WSCD2: variants seen among roughly 807,000 people sequenced by gnomAD.
WSCD2 encodes WSC domain sialate O sulfotransferase 2.
WSCD2 carries 28 observed loss-of-function variants against 55.7 expected under a neutral mutation model. The ratio of observed to expected loss-of-function variants is 0.50; its 90% CI spans 0.37 to 0.69. The LOEUF (loss-of-function observed/expected upper bound fraction) is 0.69. WSCD2 is among the 30% of genes least tolerant of loss of function. The pLI, the probability that WSCD2 is intolerant of heterozygous loss-of-function variation, is 0.00. For synonymous variants in WSCD2, 301 were observed against 301.9 expected (o/e 1.00, Z 0.03); for missense variants, 616 against 762.1 (o/e 0.81, Z 2.26).
At chr12:108,214,473 T>G (rs1886601405) in intron 4 of WSCD2, among the ~76,000 whole-genome samples, 1 of 152,236 alleles carries the variant, frequency 6.6e-6, no homozygotes, top group South Asian at 2.1e-4. Flanking sequence ...AGAAATGGAC[T>G]TCTTTCTTGG....
chr12:108,191,219 G>C (rs989977077), intron 1 of WSCD2, among the ~76,000 whole-genome samples: 1 of 152,232 alleles, frequency 6.6e-6, no homozygotes, highest in Non-Finnish European at 1.5e-5. Flanking sequence ...ATGGGAGAAC[G>C]TATTTGTAAA....
intron 1 of WSCD2, among the ~76,000 whole-genome samples, chr12:108,158,768 T>A (rs1878775692): frequency 6.6e-6 from 1 of 152,028 alleles, no homozygotes; most frequent in African/African-American, 2.4e-5. Context: ...ACTCAAGTCC[T>A]CCCTCTCCCT....
intron 1 of WSCD2, chr12:108,171,818 C>T (rs1238621876): frequency 6.6e-6 from 1 of 152,126 alleles, no homozygotes; most frequent in African/African-American, 2.4e-5. Flanking sequence ...TTCAGTGTAC[C>T]TGCTTGTAAA....
chr12:108,243,331 G>C (rs190619249), intron 8 of WSCD2, among the ~76,000 whole-genome samples: 3 of 151,670 alleles, frequency 2.0e-5, no homozygotes, highest in African/African-American at 7.3e-5. Flanking sequence ...TCTGCTTCCC[G>C]GGTTCACGCT....
At chr12:108,146,709 G>A (rs532075172) in intron 1 of WSCD2, among the ~76,000 whole-genome samples, 1 of 152,302 alleles carries the variant, frequency 6.6e-6, no homozygotes, top group South Asian at 2.1e-4. Context: ...AGGAGAACTA[G>A]GTCTTTGGAC....
At chr12:108,169,715 G>A (rs917988637) in intron 1 of WSCD2, among the ~76,000 whole-genome samples, 1 of 152,132 alleles carries the variant, frequency 6.6e-6, no homozygotes, top group Non-Finnish European at 1.5e-5. Context: ...AGCATGTAGG[G>A]GAACAGGGCA....
At chr12:108,224,591 A>C (rs1887877458) in intron 4 of WSCD2, 148 bp from the exon 5 acceptor site, 1 of 1,007,652 alleles carries the variant, frequency 9.9e-7, no homozygotes, top group Non-Finnish European at 1.4e-6. Flanking sequence ...AACAGAAAAC[A>C]TGGCCACTCT....
At chr12:108,240,254 AG>A in intron 7 of WSCD2, 89 bp from the exon 8 acceptor site, 1 of 1,502,872 alleles carries the variant, frequency 6.7e-7, no homozygotes, top group Non-Finnish European at 9.1e-7. Flanking sequence ...CAAATGCATG[AG>A]GATTCCCGAG....
At chr12:108,194,857 A>G (rs1449329718) in intron 1 of WSCD2, among the ~76,000 whole-genome samples, 1 of 152,196 alleles carries the variant, frequency 6.6e-6, no homozygotes, top group Non-Finnish European at 1.5e-5. Flanking sequence ...AAAAAAATGA[A>G]TGAATCTGGT....
At position 108,219,139 on chromosome 12, in the gene WSCD2, A is replaced by G. The variant is rs138102374; in HGVS notation, c.683-5600A>G. ...CAGCTGGTTGCCAGGCAACCCAGAG[A>G]GAGCCCGTGGGATTATTGTCTCCAC... On this transcript the variant is annotated intron_variant, in intron 4 of 8. Coordinates refer to ENST00000547525, the MANE Select transcript of WSCD2 (RefSeq NM_014653.4). 3.3e-5 allele frequency among the ~76,000 whole-genome samples: 5 copies of G among 152,314 alleles called. No individual in the cohort carries two copies. The East Asian group carries it at 9.6e-4, about 29-fold the overall frequency.
At chr12:108,187,008 A>G (rs1882587060) in intron 1 of WSCD2, among the ~76,000 whole-genome samples, 1 of 152,086 alleles carries the variant, frequency 6.6e-6, no homozygotes, top group Non-Finnish European at 1.5e-5. Flanking sequence ...TGCAGACTTA[A>G]CTTTTGCTCT....
At chr12:108,168,383 A>T (rs1879885355) in intron 1 of WSCD2, among the ~76,000 whole-genome samples, 1 of 151,916 alleles carries the variant, frequency 6.6e-6, no homozygotes, top group Non-Finnish European at 1.5e-5. Flanking sequence ...GTCTCCCTTA[A>T]ATGTCCCTTT....
At chr12:108,175,356 T>C (rs531493005) in intron 1 of WSCD2, among the ~76,000 whole-genome samples, 1 of 152,142 alleles carries the variant, frequency 6.6e-6, no homozygotes, top group African/African-American at 2.4e-5. Context: ...GACCCCAGGG[T>C]TCCACAGACT....
At chr12:108,166,686 A>G (rs1879626904) in intron 1 of WSCD2, among the ~76,000 whole-genome samples, 2 of 150,128 alleles carry the variant, frequency 1.3e-5, no homozygotes, top group East Asian at 2.0e-4. Flanking sequence ...CAGTTTCACT[A>G]TTTGCTGCAT....
At chr12:108,192,466 A>G (rs914224644) in intron 1 of WSCD2, among the ~76,000 whole-genome samples, 14 of 152,102 alleles carry the variant, frequency 9.2e-5, no homozygotes, top group African/African-American at 3.4e-4. Flanking sequence ...TCCCACGAGG[A>G]CTGCTGGCTT....
intron 3 of WSCD2, among the ~76,000 whole-genome samples, chr12:108,209,440 A>C (rs1249943092): frequency 6.6e-6 from 1 of 152,042 alleles, no homozygotes; most frequent in Non-Finnish European, 1.5e-5. Flanking sequence ...GGGAAAAGCA[A>C]GAAAGAGAGT....
intron 1 of WSCD2, among the ~76,000 whole-genome samples, chr12:108,147,796 A>T: frequency 6.6e-6 from 1 of 151,950 alleles, no homozygotes; most frequent in African/African-American, 2.4e-5. Context: ...GGTCGAGGCT[A>T]AAGTGAGCTA....
At chr12:108,176,149 T>C (rs565796741) in intron 1 of WSCD2, among the ~76,000 whole-genome samples, 28 of 152,336 alleles carry the variant, frequency 1.8e-4, no homozygotes, top group African/African-American at 6.5e-4. Context: ...TATTGTTATA[T>C]TTTCTTTAAT....
chr12:108,232,893 A>G lies in WSCD2; in HGVS notation c.1142A>G (p.Lys381Arg). 6.2e-7 allele frequency: 1 copy of G among 1,610,562 alleles called. No homozygotes were observed. The highest frequency in any genetic ancestry group is 1.3e-5 in the African/African-American group (1 of 74,962). The change falls in exon 7 of 9, where the codon AAA becomes AGA. Residue 381 changes from lysine to arginine, a missense_variant and splice_region_variant. Physicochemically the swap from Lys to Arg is conservative, Grantham distance 26. Coordinates refer to ENST00000547525, the MANE Select transcript of WSCD2 (RefSeq NM_014653.4). ...TACTTCGATGGCTCCCTCTACAACA[A>G]AGGTGAGGAGATGGCAGGGAGGGCA... ...SYYFDGSLYN[K>R]GFKGERDHWR...
Sources: allele counts gnomAD v4.1 joint callset (sites outside exome capture counted in the v4.1 genomes callset), GRCh38; gene constraint gnomAD v4.1.1; transcripts MANE v1.5; gene names NCBI Gene and HGNC (gene_info 2026-07-23, HGNC 2026-07-21).